Variants in UBE2G1 observed in about 807,000 individuals in gnomAD.
The protein encoded by UBE2G1 is ubiquitin conjugating enzyme E2 G1.
In UBE2G1, 5 loss-of-function variants were observed where a neutral mutation model predicts 22.7. That is an observed-to-expected ratio of 0.22 (90% CI 0.12 to 0.46). The LOEUF (loss-of-function observed/expected upper bound fraction) is 0.46. Among genes scored for constraint, UBE2G1 ranks in the 20% least tolerant of loss-of-function variants. UBE2G1 has a pLI of 0.99. For missense variants in UBE2G1, 88 were observed against 203.9 expected, an observed-to-expected ratio of 0.43 and a Z score of 3.46; for synonymous variants, 74 against 67.5, an observed-to-expected ratio of 1.10 and a Z score of -0.47.
chr17:4,311,249 A>T lies in UBE2G1; in HGVS notation c.47-4126T>A, dbSNP rs185490623. 6.5e-3 allele frequency among the ~76,000 whole-genome samples: 990 copies of T among 152,162 alleles called. 3 individuals carry two copies. Among genetic ancestry groups the T allele is most frequent in the Middle Eastern group, 0.014 (4 of 294 alleles). On this transcript the variant is annotated intron_variant, in intron 1 of 5. Coordinates refer to ENST00000396981, the MANE Select transcript of UBE2G1 (RefSeq NM_003342.5). ...CTCAGTTTAAAAAATAATTTTTTTT[A>T]AAAAAAGTAAAATGACATATGATTA...
chr17:4,299,440 C>T (rs1449422320), intron 2 of UBE2G1, among the ~76,000 whole-genome samples: 1 of 152,154 alleles, frequency 6.6e-6, no homozygotes, highest in Non-Finnish European at 1.5e-5. Flanking sequence ...GACATCAAAG[C>T]CACTGCCACA....
intron 2 of UBE2G1, among the ~76,000 whole-genome samples, chr17:4,305,276 T>C (rs1243435802): frequency 6.6e-6 from 1 of 152,224 alleles, no homozygotes; most frequent in Non-Finnish European, 1.5e-5. Flanking sequence ...TACATGGTTC[T>C]TGGTAGCATT....
At chr17:4,328,712 G>C (rs72829392) in intron 1 of UBE2G1, among the ~76,000 whole-genome samples, 11,117 of 152,282 alleles carry the variant, frequency 0.073, 536 homozygotes, top group South Asian at 0.15. Context: ...TAGAAAATTG[G>C]AATGTAGCTA....
chr17:4,284,820 TTTTC>T (rs1968939981), intron 4 of UBE2G1, among the ~76,000 whole-genome samples: 2 of 92,962 alleles, frequency 2.2e-5, no homozygotes, highest in Non-Finnish European at 4.1e-5. Flanking sequence ...TTTCTTTTTC[TTTTC>T]TTTTCTTTTC....
chr17:4,365,849 G>T (rs1303239766), intron 1 of UBE2G1, among the ~76,000 whole-genome samples: 1 of 152,176 alleles, frequency 6.6e-6, no homozygotes, highest in Non-Finnish European at 1.5e-5. Flanking sequence ...CACCGAGCCG[G>T]GGACTCGCAG....
chr17:4,317,824 T>C (rs1182643204), intron 1 of UBE2G1, among the ~76,000 whole-genome samples: 4 of 152,210 alleles, frequency 2.6e-5, no homozygotes, highest in East Asian at 3.8e-4. Flanking sequence ...TTATACACAA[T>C]AGCATAAGCA....
chr17:4,307,896 G>A (rs1479064354), intron 1 of UBE2G1, among the ~76,000 whole-genome samples: 1 of 152,218 alleles, frequency 6.6e-6, no homozygotes, highest in African/African-American at 2.4e-5. Flanking sequence ...GGCCAAGACA[G>A]GGACCTTAAG....
At chr17:4,286,347 G>GT (rs919295378) in intron 4 of UBE2G1, among the ~76,000 whole-genome samples, 12 of 150,654 alleles carry the variant, frequency 8.0e-5, no homozygotes, top group Non-Finnish European at 1.2e-4. Context: ...GGAGGTTGCA[G>GT]TGAGCTGAGA....
intron 1 of UBE2G1, among the ~76,000 whole-genome samples, chr17:4,343,877 G>C (rs111228660): frequency 0.017 from 2,618 of 152,142 alleles, 71 homozygotes; most frequent in African/African-American, 0.06. Flanking sequence ...GTGAGCCACC[G>C]CGCCCAGCCT....
intron 3 of UBE2G1, among the ~76,000 whole-genome samples, chr17:4,296,365 C>T (rs1393161282): frequency 1.3e-5 from 2 of 152,146 alleles, no homozygotes; most frequent in African/African-American, 4.8e-5. Flanking sequence ...CGGGTTCAAG[C>T]GATTCTTGTG....
At chr17:4,325,231 C>T (rs1969491843) in intron 1 of UBE2G1, among the ~76,000 whole-genome samples, 1 of 152,034 alleles carries the variant, frequency 6.6e-6, no homozygotes, top group Admixed American at 6.6e-5. Context: ...TTTCTCTAAA[C>T]CCATAGAATG....
At chr17:4,302,996 C>T (rs980492271) in intron 2 of UBE2G1, among the ~76,000 whole-genome samples, 6 of 151,924 alleles carry the variant, frequency 3.9e-5, no homozygotes, top group African/African-American at 1.5e-4. Context: ...CAGAAAAACA[C>T]AGGAGCTTCT....
intron 1 of UBE2G1, among the ~76,000 whole-genome samples, chr17:4,312,695 CAAAAAAAAA>C (rs58462791): frequency 1.3e-5 from 1 of 76,884 alleles, no homozygotes; most frequent in Middle Eastern, 8.6e-3. Context: ...GACTCCATCT[CAAAAAAAAA>C]AAAAAAAAAA....
chr17:4,298,526 T>A (rs947232863), intron 2 of UBE2G1, among the ~76,000 whole-genome samples: 1 of 152,106 alleles, frequency 6.6e-6, no homozygotes, highest in African/African-American at 2.4e-5. Context: ...TCATAAGACA[T>A]GGGGAAGGTG....
intron 1 of UBE2G1, among the ~76,000 whole-genome samples, chr17:4,344,430 C>T (rs1969746251): frequency 6.6e-6 from 1 of 151,984 alleles, no homozygotes; most frequent in Non-Finnish European, 1.5e-5. Context: ...GTGCCAGCTA[C>T]TCGGGAGGCT....
intron 1 of UBE2G1, among the ~76,000 whole-genome samples, chr17:4,363,934 G>C (rs1463366573): frequency 9.3e-6 from 1 of 107,952 alleles, no homozygotes; most frequent in African/African-American, 3.7e-5. Context: ...CTGGGCAACA[G>C]AGTAAGACTC....
At chr17:4,314,073 A>C (rs1010103024) in intron 1 of UBE2G1, among the ~76,000 whole-genome samples, 1 of 152,228 alleles carries the variant, frequency 6.6e-6, no homozygotes, top group Non-Finnish European at 1.5e-5. Flanking sequence ...ATATAAAATG[A>C]CATTGCTTTC....
intron 1 of UBE2G1, among the ~76,000 whole-genome samples, chr17:4,321,136 G>T (rs1969432344): frequency 6.6e-6 from 1 of 151,838 alleles, no homozygotes; most frequent in Admixed American, 6.6e-5. Flanking sequence ...AACAATAGAG[G>T]AAGACCCCAT....
At chr17:4,357,319 T>C (rs1434925538) in intron 1 of UBE2G1, among the ~76,000 whole-genome samples, 1 of 152,000 alleles carries the variant, frequency 6.6e-6, no homozygotes, top group Non-Finnish European at 1.5e-5. Flanking sequence ...TTGCTCTGTG[T>C]TATTATTGTT....
Sources: gnomAD v4.1 joint callset for allele counts (sites outside exome capture counted in the v4.1 genomes callset) on GRCh38, gnomAD v4.1.1 for gene constraint, MANE v1.5 for transcripts, NCBI Gene and HGNC (gene_info 2026-07-23, HGNC 2026-07-21) for gene names.